Variants in PRKCB observed in about 807,000 individuals in gnomAD.
PRKCB encodes the protein protein kinase C beta.
In PRKCB, 13 loss-of-function variants were observed where a neutral mutation model predicts 81.5. The ratio of observed to expected loss-of-function variants is 0.16; its 90% CI spans 0.10 to 0.25. The LOEUF is 0.25. Ranked by LOEUF, PRKCB falls within the 10% of genes least tolerant of loss-of-function variation. The pLI is 1.00. For missense variants in PRKCB, 509 were observed against 875.7 expected (o/e 0.58, Z 5.29); for synonymous variants, 335 against 321.4 (o/e 1.04, Z -0.45).
At chr16:24,023,523 C>T (rs1156373557) in intron 3 of PRKCB, among the ~76,000 whole-genome samples, 1 of 152,158 alleles carries the variant, frequency 6.6e-6, no homozygotes, top group African/African-American at 2.4e-5. Flanking sequence ...CGCCCGCCAC[C>T]ACGCCCGGCT....
intron 9 of PRKCB, among the ~76,000 whole-genome samples, chr16:24,133,347 G>A (rs1192690973): frequency 6.6e-6 from 1 of 152,176 alleles, no homozygotes; most frequent in Non-Finnish European, 1.5e-5. Context: ...ACCTGTCCAT[G>A]TGTAAATAAC....
chr16:23,975,929 G>A (rs571633788), intron 2 of PRKCB, among the ~76,000 whole-genome samples: 1 of 152,274 alleles, frequency 6.6e-6, no homozygotes, highest in South Asian at 2.1e-4. Flanking sequence ...GGAGTTGAGA[G>A]TTCTTTAGGT....
At chr16:24,056,017 A>C (rs1340665378) in intron 5 of PRKCB, among the ~76,000 whole-genome samples, 1 of 152,206 alleles carries the variant, frequency 6.6e-6, no homozygotes, top group Non-Finnish European at 1.5e-5. Flanking sequence ...GTGTGGCAGA[A>C]CTGGAGTTTG....
intron 3 of PRKCB, among the ~76,000 whole-genome samples, chr16:24,010,215 A>T (rs1201403446): frequency 6.6e-6 from 1 of 152,060 alleles, no homozygotes; most frequent in Non-Finnish European, 1.5e-5. Context: ...CCCATTGAAC[A>T]CCCTATCTGA....
At position 24,219,139 on chromosome 16, in the gene PRKCB, G is replaced by T. The variant is rs575554627; in HGVS notation, c.*4323G>T. 9 of 985,368 alleles carry T rather than the reference G, an allele frequency of 9.1e-6. No homozygotes were observed. Among genetic ancestry groups the T allele is most frequent in the Middle Eastern group, 5.2e-4 (1 of 1,914 alleles). The allele number at this position is 985,368 out of a possible 1,614,324, so 61.0% of individuals were successfully genotyped here. On this transcript the variant is annotated 3_prime_UTR_variant, in exon 17 of 17. Transcript: ENST00000643927. Reference sequence around the variant, plus strand: ...ATTCTGATGTTCCCTGGTGAGACTTGCCCCAAGCAATTGCTAGTAAATGGG... The same window carrying T: ...ATTCTGATGTTCCCTGGTGAGACTTTCCCCAAGCAATTGCTAGTAAATGGG...
chr16:23,959,229 C>T (rs1000392326), intron 2 of PRKCB, among the ~76,000 whole-genome samples: 2 of 152,138 alleles, frequency 1.3e-5, no homozygotes, highest in Admixed American at 6.5e-5. Flanking sequence ...TCCTGCTGTG[C>T]GCCGAGCTGT....
At chr16:24,207,615 A>T (rs890932114) in intron 16 of PRKCB, among the ~76,000 whole-genome samples, 9 of 152,248 alleles carry the variant, frequency 5.9e-5, no homozygotes, top group African/African-American at 2.2e-4. Flanking sequence ...GTAATACATC[A>T]AATAGATGTA....
At chr16:23,926,920 AT>A (rs1433356521) in intron 2 of PRKCB, among the ~76,000 whole-genome samples, 1 of 152,120 alleles carries the variant, frequency 6.6e-6, no homozygotes, top group African/African-American at 2.4e-5. Flanking sequence ...AAAAGCTTCG[AT>A]GTATACATTG....
intron 1 of PRKCB, among the ~76,000 whole-genome samples, chr16:23,837,072 CG>C (rs770934830): frequency 6.6e-6 from 1 of 152,084 alleles, no homozygotes; most frequent in Non-Finnish European, 1.5e-5. Context: ...CGAGGGTGCT[CG>C]GGGCATCTAT....
rs424741 is a variant in PRKCB, at chr16:24,220,128, C to T, written c.*5312C>T. On this transcript the variant is annotated 3_prime_UTR_variant, in exon 17 of 17. Transcript: ENST00000643927. ...TTAATGTGTAGGTGAATGCAAACTC[C>T]ATCGTTGAGCCTGGGGTGTAAGACT... 0.012 allele frequency: 19,827 copies of T among 1,613,768 alleles called. 462 individuals carry two copies. Among genetic ancestry groups the T allele is most frequent in the African/African-American group, 0.1 (7,556 of 74,984 alleles).
intron 2 of PRKCB, among the ~76,000 whole-genome samples, chr16:23,870,366 C>T (rs1962883908): frequency 6.6e-6 from 1 of 152,088 alleles, no homozygotes; most frequent in Non-Finnish European, 1.5e-5. Flanking sequence ...TAACTGGAAA[C>T]ATGTATATAG....
intron 3 of PRKCB, among the ~76,000 whole-genome samples, chr16:24,007,449 T>C (rs563719614): frequency 6.6e-6 from 1 of 152,348 alleles, no homozygotes; most frequent in Admixed American, 6.5e-5. Context: ...TGCAGTTCTC[T>C]TGATTGTCAA....
chr16:23,960,603 A>G (rs1379923832), intron 2 of PRKCB, among the ~76,000 whole-genome samples: 5 of 151,900 alleles, frequency 3.3e-5, no homozygotes, highest in African/African-American at 1.2e-4. Context: ...TCCATTAGCT[A>G]TTCTTCCTGA....
At chr16:24,130,643 T>C (rs1288988307) in intron 9 of PRKCB, among the ~76,000 whole-genome samples, 1 of 152,152 alleles carries the variant, frequency 6.6e-6, no homozygotes, top group Non-Finnish European at 1.5e-5. Flanking sequence ...CAGGCGCGCC[T>C]GGCCACACCC....
At chr16:23,881,157 C>T (rs960476137) in intron 2 of PRKCB, among the ~76,000 whole-genome samples, 6 of 152,032 alleles carry the variant, frequency 3.9e-5, no homozygotes, top group African/African-American at 1.4e-4. Context: ...GGGCCCAGGC[C>T]CATGAGTCTC....
At chr16:23,946,136 G>C (rs1200524666) in intron 2 of PRKCB, among the ~76,000 whole-genome samples, 1 of 152,180 alleles carries the variant, frequency 6.6e-6, no homozygotes, top group Non-Finnish European at 1.5e-5. Flanking sequence ...GCAAATCAGT[G>C]GCAGAGTGGA....
chr16:24,131,911 TAA>T (rs1311797630), intron 9 of PRKCB, among the ~76,000 whole-genome samples: 1 of 152,348 alleles, frequency 6.6e-6, no homozygotes, highest in African/African-American at 2.4e-5. Context: ...TCTAAGAATG[TAA>T]AGTCTTTTGT....
At chr16:23,895,189 CTATA>C (rs1262792387) in intron 2 of PRKCB, among the ~76,000 whole-genome samples, 2 of 151,992 alleles carry the variant, frequency 1.3e-5, no homozygotes, top group Admixed American at 1.3e-4. Flanking sequence ...TAGCATAAAA[CTATA>C]TATATTGTCC....
intron 2 of PRKCB, among the ~76,000 whole-genome samples, chr16:23,952,549 G>A (rs1243212097): frequency 1.3e-5 from 2 of 152,058 alleles, no homozygotes; most frequent in Non-Finnish European, 2.9e-5. Context: ...CGACTGGAGG[G>A]GGTTAAATAG....
Sources: allele counts gnomAD v4.1 joint callset (sites outside exome capture counted in the v4.1 genomes callset), GRCh38; gene constraint gnomAD v4.1.1; transcripts MANE v1.5; gene names NCBI Gene and HGNC (gene_info 2026-07-23, HGNC 2026-07-21).